The following SNX7 variants were observed in gnomAD, a reference collection of about 807,000 sequenced individuals.
SNX7 encodes the protein sorting nexin-7.
In SNX7, 35 loss-of-function variants were observed where a neutral mutation model predicts 48.4. The observed-to-expected ratio is 0.72, with a 90% CI of 0.55 to 0.96. SNX7 has a LOEUF of 0.96. SNX7 is among the 40% of genes least tolerant of loss of function. The pLI, the probability that SNX7 is intolerant of heterozygous loss-of-function variation, is 0.00. For synonymous variants in SNX7, 190 were observed against 190.2 expected (o/e 1.00, Z 0.01); for missense variants, 553 against 548.9 (o/e 1.01, Z -0.07).
At chr1:98,674,558 A>G (rs1030094909) in intron 1 of SNX7, among the ~76,000 whole-genome samples, 1 of 152,152 alleles carries the variant, frequency 6.6e-6, no homozygotes, top group Non-Finnish European at 1.5e-5. Flanking sequence ...TCAGATCTGT[A>G]GGGACCCCAT....
chr1:98,731,688 A>C (rs1223407846), intron 7 of SNX7, among the ~76,000 whole-genome samples: 3 of 152,122 alleles, frequency 2.0e-5, no homozygotes, highest in African/African-American at 7.2e-5. Context: ...CTGAGTTAAA[A>C]ACCTGTATAG....
At chr1:98,712,906 A>G (rs1203705292) in intron 7 of SNX7, among the ~76,000 whole-genome samples, 1 of 152,134 alleles carries the variant, frequency 6.6e-6, no homozygotes, top group Non-Finnish European at 1.5e-5. Context: ...AGCCTGACCA[A>G]CATGGAGAAA....
At chr1:98,738,565 T>C (rs751920049) in intron 8 of SNX7, among the ~76,000 whole-genome samples, 176 bp downstream of exon 8, 9 of 152,214 alleles carry the variant, frequency 5.9e-5, no homozygotes, top group Non-Finnish European at 1.3e-4. Flanking sequence ...CCTCAGTTTG[T>C]TGTTTTGGAT....
intron 7 of SNX7, among the ~76,000 whole-genome samples, chr1:98,714,587 G>A (rs555471759): frequency 6.6e-4 from 100 of 152,280 alleles, no homozygotes; most frequent in South Asian, 2.9e-3. Flanking sequence ...GATCAGAGAA[G>A]GCCTTTCTGA....
At chr1:98,687,289 A>AT (rs1195810768) in intron 2 of SNX7, among the ~76,000 whole-genome samples, 1 of 152,014 alleles carries the variant, frequency 6.6e-6, no homozygotes, top group African/African-American at 2.4e-5. Flanking sequence ...CATAGTATAC[A>AT]TTTTTTCTAT....
rs1485793359 is a variant in SNX7 at position 98,661,894 on chromosome 1, C to G, written c.163C>G (p.Leu55Val). ...VLDLDEDEDD[L>V]EVFSKDASLM... ...GGATCTGGACGAGGACGAGGACGAC[C>G]TGGAGGTGTTCAGCAAGGTGAGGGC... Residue 55 changes from leucine (L) to valine (V), a missense_variant, in exon 1 of 9, where the codon CTG (leucine) becomes GTG (valine). Coordinates refer to ENST00000306121, the MANE Select transcript of SNX7 (RefSeq NM_015976.5). 3 of 1,247,374 alleles carry G rather than the reference C, an allele frequency of 2.4e-6. No individual in the cohort carries two copies. The highest frequency in any genetic ancestry group is 3.1e-5 in the African/African-American group (2 of 64,342). 77.3% of individuals were successfully genotyped at this position (1,247,374 alleles called of 1,614,324 possible).
At chr1:98,719,793 C>T (rs1652768530) in intron 7 of SNX7, among the ~76,000 whole-genome samples, 1 of 150,350 alleles carries the variant, frequency 6.7e-6, no homozygotes, top group Non-Finnish European at 1.5e-5. Flanking sequence ...TTTTGAGTTT[C>T]CTTTTTTACA....
At chr1:98,752,912 T>C (rs1441592254) in intron 8 of SNX7, among the ~76,000 whole-genome samples, 3 of 152,052 alleles carry the variant, frequency 2.0e-5, no homozygotes, top group African/African-American at 4.8e-5. Flanking sequence ...AAAATCATCC[T>C]TCTACTATGT....
intron 4 of SNX7, among the ~76,000 whole-genome samples, chr1:98,691,914 T>TACACACAC (rs1553199327): frequency 2.5e-4 from 33 of 133,578 alleles, no homozygotes; most frequent in African/African-American, 8.4e-4. Context: ...TCCATATATA[T>TACACACAC]ACACACACAC....
intron 1 of SNX7, among the ~76,000 whole-genome samples, chr1:98,671,970 T>G (rs1209518010): frequency 6.6e-6 from 1 of 152,156 alleles, no homozygotes; most frequent in Non-Finnish European, 1.5e-5. Flanking sequence ...AATTAAAGCC[T>G]TATGTGTAAC....
chr1:98,746,920 A>G (rs563863049), intron 8 of SNX7, among the ~76,000 whole-genome samples: 2 of 152,202 alleles, frequency 1.3e-5, no homozygotes, highest in African/African-American at 4.8e-5. Context: ...TGAATAAGAT[A>G]ATCTTTAGCA....
intron 4 of SNX7, among the ~76,000 whole-genome samples, chr1:98,694,830 G>T (rs1050038220): frequency 6.6e-6 from 1 of 151,516 alleles, no homozygotes. Flanking sequence ...GGGTAGTCTC[G>T]ATCTCCTGAC....
chr1:98,694,988 C>T (rs1407398347), intron 4 of SNX7, among the ~76,000 whole-genome samples: 2 of 151,992 alleles, frequency 1.3e-5, no homozygotes, highest in Admixed American at 1.3e-4. Flanking sequence ...ATAAAACCTA[C>T]CTCATAGGTT....
In SNX7 at chr1:98,707,077, A is replaced by C. The variant is rs185796755; in HGVS notation, c.1125+5174A>C. ...CATTTGTCAAGGTCATTAAAGTATG[A>C]GCCTTTACTTTATCCTGTCAGAGCC... On this transcript the variant is annotated intron_variant, in intron 7 of 8. Transcript: ENST00000306121. Among the ~76,000 whole-genome samples the C allele has an allele frequency of 2.0e-5, 3 of 152,264 alleles. No homozygotes were observed. In the East Asian group the frequency reaches 5.8e-4, roughly 29 times the overall value.
chr1:98,732,527 C>A (rs1295692226), intron 7 of SNX7, among the ~76,000 whole-genome samples: 3 of 152,092 alleles, frequency 2.0e-5, no homozygotes, highest in Non-Finnish European at 4.4e-5. Flanking sequence ...ATAATTTAAT[C>A]TTTTTATCTA....
At chr1:98,732,513 G>A (rs1415908168) in intron 7 of SNX7, among the ~76,000 whole-genome samples, 1 of 152,126 alleles carries the variant, frequency 6.6e-6, no homozygotes, top group African/African-American at 2.4e-5. Context: ...AGCGACCTGT[G>A]GAGATAATTT....
At chr1:98,665,338 A>G (rs1387015323) in intron 1 of SNX7, among the ~76,000 whole-genome samples, 2 of 152,208 alleles carry the variant, frequency 1.3e-5, no homozygotes, top group Non-Finnish European at 2.9e-5. Context: ...TTTAAAAATA[A>G]TGGGCAAAAT....
At chr1:98,691,809 T>A in intron 4 of SNX7, 110 bp downstream of exon 4, 1 of 891,330 alleles carries the variant, frequency 1.1e-6, no homozygotes, top group Non-Finnish European at 1.6e-6. Flanking sequence ...GTACTTGAAT[T>A]GAGATGGAAT....
intron 6 of SNX7, 99 bp from the exon 7 acceptor site, chr1:98,701,718 G>A: frequency 1.4e-6 from 1 of 715,192 alleles, no homozygotes; most frequent in Non-Finnish European, 2.2e-6. Context: ...ATGGCTTGGG[G>A]AAGAGATGCT....
Sources: gnomAD v4.1 joint callset for allele counts (sites outside exome capture counted in the v4.1 genomes callset) on GRCh38, gnomAD v4.1.1 for gene constraint, MANE v1.5 for transcripts, NCBI Gene and HGNC (gene_info 2026-07-23, HGNC 2026-07-21) for gene names.